PALM2AKAP2: variants seen among roughly 807,000 people sequenced by gnomAD.
PALM2AKAP2 encodes the protein PALM2 and AKAP2 fusion.
PALM2AKAP2 carries 37 observed loss-of-function variants against 71.5 expected under a neutral mutation model. The ratio of observed to expected loss-of-function variants is 0.52; its 90% CI spans 0.40 to 0.68. PALM2AKAP2 has a LOEUF of 0.68. PALM2AKAP2 is among the 30% of genes least tolerant of loss of function. PALM2AKAP2 has a pLI of 0.00. For missense variants in PALM2AKAP2, 1,224 were observed against 1,191.8 expected, an observed-to-expected ratio of 1.03 and a Z score of -0.40; for synonymous variants, 468 against 478.8, an observed-to-expected ratio of 0.98 and a Z score of 0.29.
chr9:109,845,271 A>G (rs1281302067), intron 1 of PALM2AKAP2, among the ~76,000 whole-genome samples: 4 of 152,196 alleles, frequency 2.6e-5, no homozygotes, highest in African/African-American at 9.6e-5. Context: ...ATCACCTTTT[A>G]GCTAAGAGCT....
At chr9:110,142,481 C>G (rs2119138989) in intron 2 of PALM2AKAP2, among the ~76,000 whole-genome samples, 1 of 152,278 alleles carries the variant, frequency 6.6e-6, no homozygotes. Context: ...TGTATAGTCC[C>G]TGCTCTCAGG....
chr9:110,023,472 G>T (rs961134183), intron 7 of PALM2AKAP2, among the ~76,000 whole-genome samples: 1 of 151,504 alleles, frequency 6.6e-6, no homozygotes, highest in Non-Finnish European at 1.5e-5. Context: ...GTGCCACCAC[G>T]CCCGGATAAT....
chr9:109,751,198 A>G (rs1828882539), intron 1 of PALM2AKAP2, among the ~76,000 whole-genome samples: 1 of 152,192 alleles, frequency 6.6e-6, no homozygotes, highest in Admixed American at 6.6e-5. Context: ...AGTTGGGCAT[A>G]TACAAGGATA....
chr9:109,995,793 G>A (rs564073179), intron 6 of PALM2AKAP2, among the ~76,000 whole-genome samples: 8 of 152,324 alleles, frequency 5.3e-5, no homozygotes, highest in African/African-American at 1.9e-4. Context: ...CAGGTGGGGA[G>A]TGATGTGAGC....
At position 109,890,417 on chromosome 9, in the gene PALM2AKAP2, C is replaced by T. The variant is rs76455655; in HGVS notation, c.257+9736C>T. Among the ~76,000 whole-genome samples, 723 of 152,326 alleles carry T rather than the reference C, an allele frequency of 4.7e-3. 2 individuals carry two copies. Among genetic ancestry groups the T allele is most frequent in the Non-Finnish European group, 7.4e-3 (506 of 68,034 alleles). On this transcript the variant is annotated intron_variant, in intron 3 of 9. Coordinates refer to the PALM2AKAP2 transcript ENST00000302798. ...CCTCAGGTCTAGGCGTGGAGCCCTC[C>T]AGGACAGCGAACGGGTGATAAAATA...
intron 1 of PALM2AKAP2, among the ~76,000 whole-genome samples, chr9:110,051,601 A>T (rs961359414): frequency 6.6e-6 from 1 of 152,196 alleles, no homozygotes; most frequent in Non-Finnish European, 1.5e-5. Context: ...TTGAATTTGG[A>T]TGGAGGTTGT....
chr9:110,118,526 G>A (rs112937804), intron 1 of PALM2AKAP2, among the ~76,000 whole-genome samples: 1 of 152,136 alleles, frequency 6.6e-6, no homozygotes, highest in East Asian at 1.9e-4. Flanking sequence ...GGGATTACAG[G>A]TATCAGCCAC....
chr9:110,068,373 A>G (rs900587602), intron 1 of PALM2AKAP2, among the ~76,000 whole-genome samples: 8 of 149,748 alleles, frequency 5.3e-5, no homozygotes, highest in Non-Finnish European at 1.0e-4. Flanking sequence ...GCTGAGGGGA[A>G]TGACAATGGA....
At chr9:110,043,642 AAG>A (rs2132468950) in intron 7 of PALM2AKAP2, among the ~76,000 whole-genome samples, 1 of 151,680 alleles carries the variant, frequency 6.6e-6, no homozygotes, top group Middle Eastern at 3.4e-3. Flanking sequence ...TTTAATTATG[AAG>A]AGTTTGAGTA....
chr9:110,141,673 G>A (rs1048143876), intron 2 of PALM2AKAP2, among the ~76,000 whole-genome samples: 3 of 152,074 alleles, frequency 2.0e-5, no homozygotes, highest in Admixed American at 6.5e-5. Context: ...AAGTTCCTGC[G>A]GCACATTTCA....
intron 1 of PALM2AKAP2, among the ~76,000 whole-genome samples, chr9:109,700,595 T>C (rs1381761585): frequency 6.6e-6 from 1 of 152,234 alleles, no homozygotes; most frequent in Non-Finnish European, 1.5e-5. Flanking sequence ...AACTGCCCCA[T>C]GACATCTCAA....
At chr9:109,691,851 TATATATATATATATATACAC>T (rs1827892019) in intron 1 of PALM2AKAP2, among the ~76,000 whole-genome samples, 2 of 36,122 alleles carry the variant, frequency 5.5e-5, no homozygotes, top group African/African-American at 2.0e-4. Context: ...TATATATATA[TATATATATATATATATACAC>T]ACACACACAC....
intron 1 of PALM2AKAP2, among the ~76,000 whole-genome samples, chr9:109,654,031 T>C (rs115679448): frequency 0.013 from 1,982 of 152,324 alleles, 58 homozygotes; most frequent in African/African-American, 0.045. Context: ...ATGAGATAGA[T>C]AAATGCAATC....
intron 1 of PALM2AKAP2, among the ~76,000 whole-genome samples, chr9:109,691,832 CGA>C (rs1827889384): frequency 1.9e-4 from 7 of 36,370 alleles, no homozygotes; most frequent in South Asian, 1.1e-3. Context: ...TCCAGAAAGA[CGA>C]TATATATATA....
At chr9:109,858,151 C>T (rs143888334) in intron 1 of PALM2AKAP2, among the ~76,000 whole-genome samples, 221 of 152,296 alleles carry the variant, frequency 1.5e-3, no homozygotes, top group African/African-American at 5.1e-3. Context: ...GTATTTCAGA[C>T]GGAGTTCCAA....
At chr9:109,935,896 T>C (rs1260192064) in intron 6 of PALM2AKAP2, among the ~76,000 whole-genome samples, 1 of 152,218 alleles carries the variant, frequency 6.6e-6, no homozygotes, top group Non-Finnish European at 1.5e-5. Context: ...CCACTTTCTT[T>C]CTGGCACTTT....
At chr9:110,102,439 G>T (rs979136319) in intron 1 of PALM2AKAP2, among the ~76,000 whole-genome samples, 1 of 152,194 alleles carries the variant, frequency 6.6e-6, no homozygotes, top group Non-Finnish European at 1.5e-5. Flanking sequence ...GACCTTGTAT[G>T]TTTTTTGTTT....
intron 6 of PALM2AKAP2, among the ~76,000 whole-genome samples, chr9:109,982,942 A>G (rs1832303197): frequency 6.6e-6 from 1 of 152,196 alleles, no homozygotes; most frequent in Non-Finnish European, 1.5e-5. Flanking sequence ...GGTTTTTGAC[A>G]AGAAAGAGCC....
chr9:110,100,066 T>TA (rs1476452792), intron 1 of PALM2AKAP2, among the ~76,000 whole-genome samples: 6 of 144,590 alleles, frequency 4.1e-5, no homozygotes, highest in Admixed American at 7.0e-5. Context: ...TATATATATA[T>TA]ATATATATAT....
Sources: gnomAD v4.1 joint callset for allele counts (sites outside exome capture counted in the v4.1 genomes callset) on GRCh38, gnomAD v4.1.1 for gene constraint, MANE v1.5 for transcripts, NCBI Gene and HGNC (gene_info 2026-07-23, HGNC 2026-07-21) for gene names.